GRIK1: variants seen among roughly 807,000 people sequenced by gnomAD.
GRIK1 encodes glutamate ionotropic receptor kainate type subunit 1.
Under a neutral mutation model 105.7 loss-of-function variants are expected in GRIK1, and 69 were observed. The ratio of observed to expected loss-of-function variants is 0.65; its 90% CI spans 0.54 to 0.80. The LOEUF (loss-of-function observed/expected upper bound fraction) is 0.80. Among genes scored for constraint, GRIK1 ranks in the 30% least tolerant of loss-of-function variants. The pLI, the probability that GRIK1 is intolerant of heterozygous loss-of-function variation, is 0.00. For missense variants in GRIK1, 1,109 were observed against 1,167.3 expected (o/e 0.95, Z 0.73); for synonymous variants, 438 against 431.3 (o/e 1.02, Z -0.19).
At chr21:29,778,377 G>A (rs1399862803) in intron 1 of GRIK1, among the ~76,000 whole-genome samples, 1 of 152,140 alleles carries the variant, frequency 6.6e-6, no homozygotes, top group Non-Finnish European at 1.5e-5. Flanking sequence ...AATATAAGTG[G>A]TTTCTGGGAA....
intron 1 of GRIK1, among the ~76,000 whole-genome samples, chr21:29,796,588 G>A (rs540647626): frequency 1.8e-4 from 28 of 152,140 alleles, no homozygotes; most frequent in African/African-American, 2.6e-4. Flanking sequence ...GAAGTGCAGC[G>A]TATCTGTTTT....
chr21:29,603,869 C>T (rs2061565011), intron 7 of GRIK1, among the ~76,000 whole-genome samples: 2 of 152,154 alleles, frequency 1.3e-5, no homozygotes, highest in African/African-American at 4.8e-5. Flanking sequence ...TCCAACTGTC[C>T]TCCTGACCTG....
chr21:29,656,806 T>C (rs2062863173), intron 4 of GRIK1, among the ~76,000 whole-genome samples: 1 of 152,008 alleles, frequency 6.6e-6, no homozygotes, highest in Admixed American at 6.5e-5. Context: ...TGAACACCAG[T>C]CCTACACTTC....
At chr21:29,744,198 C>T (rs796427147) in intron 1 of GRIK1, among the ~76,000 whole-genome samples, 5 of 152,304 alleles carry the variant, frequency 3.3e-5, no homozygotes, top group African/African-American at 1.2e-4. Flanking sequence ...GGTCCAGGGA[C>T]CTACTGGTTG....
chr21:29,869,802 C>T (rs1002162392), intron 1 of GRIK1, among the ~76,000 whole-genome samples: 1 of 152,166 alleles, frequency 6.6e-6, no homozygotes, highest in African/African-American at 2.4e-5. Context: ...AATCTATATT[C>T]AAACCCTCCA....
chr21:29,539,149 A>G (rs981414027), intron 16 of GRIK1, among the ~76,000 whole-genome samples: 1 of 152,216 alleles, frequency 6.6e-6, no homozygotes, highest in Non-Finnish European at 1.5e-5. Context: ...CATGCCACAC[A>G]AAGAAAAACG....
intron 7 of GRIK1, among the ~76,000 whole-genome samples, chr21:29,620,131 A>G (rs1281827757): frequency 2.0e-5 from 3 of 152,240 alleles, no homozygotes; most frequent in African/African-American, 7.2e-5. Context: ...TATGATGTTA[A>G]GAAGTTATTC....
At chr21:29,793,797 C>A (rs2066487471) in intron 1 of GRIK1, among the ~76,000 whole-genome samples, 1 of 152,154 alleles carries the variant, frequency 6.6e-6, no homozygotes, top group African/African-American at 2.4e-5. Context: ...TATAGCGGTG[C>A]TCCACAGATT....
chr21:29,730,983 A>G (rs2064609518), intron 1 of GRIK1, among the ~76,000 whole-genome samples: 1 of 152,216 alleles, frequency 6.6e-6, no homozygotes, highest in South Asian at 2.1e-4. Flanking sequence ...CTGGGAATTT[A>G]ACCATGTCAA....
chr21:29,908,761 C>G (rs749283277), intron 1 of GRIK1, among the ~76,000 whole-genome samples: 8 of 152,154 alleles, frequency 5.3e-5, no homozygotes, highest in Non-Finnish European at 1.0e-4. Flanking sequence ...ACAATTACAA[C>G]TCGATTTTTC....
chr21:29,871,766 T>TAA (rs981189715), intron 1 of GRIK1, among the ~76,000 whole-genome samples: 15 of 146,454 alleles, frequency 1.0e-4, no homozygotes, highest in Admixed American at 6.8e-5. Flanking sequence ...TTTAATTTTT[T>TAA]TTTTTTTTTT....
chr21:29,588,554 A>G (rs1415677740), intron 11 of GRIK1, among the ~76,000 whole-genome samples: 1 of 152,206 alleles, frequency 6.6e-6, no homozygotes, highest in Non-Finnish European at 1.5e-5. Flanking sequence ...CTCTCCAGCC[A>G]TGAGGAACTG....
chr21:29,889,438 G>A lies in GRIK1; in HGVS notation c.118+49945C>T, dbSNP rs373510379. Among the ~76,000 whole-genome samples the A allele has an allele frequency of 9.2e-5, 14 of 151,940 alleles. No individual in the cohort carries two copies. In the East Asian group the frequency reaches 1.9e-3, roughly 21 times the overall value. The stretch of plus-strand genomic sequence containing the variant: ...TCCAGGATAAATCCAGAATCACAAG[G>A]AAAATCTATAATTGTACTGATCCCT... On this transcript the variant is annotated intron_variant, in intron 1 of 17. Coordinates refer to ENST00000327783, the MANE Select transcript of GRIK1 (RefSeq NM_001330994.2).
intron 1 of GRIK1, among the ~76,000 whole-genome samples, chr21:29,745,103 A>G (rs931319440): frequency 7.9e-5 from 12 of 152,208 alleles, no homozygotes; most frequent in Admixed American, 1.3e-4. Flanking sequence ...TGTGACATGT[A>G]TCTTGGTGGC....
intron 1 of GRIK1, among the ~76,000 whole-genome samples, chr21:29,737,804 G>C (rs1031076517): frequency 6.6e-6 from 1 of 152,214 alleles, no homozygotes; most frequent in Admixed American, 6.5e-5. Context: ...TAGCATTGAT[G>C]CAATGAACAA....
chr21:29,603,371 C>T lies in GRIK1; in HGVS notation c.1099-4434G>A, dbSNP rs886208210. 5.9e-4 allele frequency among the ~76,000 whole-genome samples: 89 copies of T among 151,954 alleles called. 1 individual carries two copies. Among genetic ancestry groups the T allele is most frequent in the Admixed American group, 1.6e-3 (24 of 15,234 alleles). On this transcript the variant is annotated intron_variant, in intron 7 of 17. Transcript: ENST00000327783. ...AGAAATACTTCTTCAGATCCTAGTA[C>T]CTAGTCTCTAGAGTTTATTGCCAAG...
chr21:29,723,291 A>G (rs1450177590), intron 1 of GRIK1, among the ~76,000 whole-genome samples: 1 of 152,244 alleles, frequency 6.6e-6, no homozygotes, highest in African/African-American at 2.4e-5. Context: ...AGTATTAGCT[A>G]TTGGAATTTA....
chr21:29,755,294 C>G (rs1486119681), intron 1 of GRIK1, among the ~76,000 whole-genome samples: 1 of 152,156 alleles, frequency 6.6e-6, no homozygotes, highest in East Asian at 1.9e-4. Flanking sequence ...TTGAGGAAAT[C>G]AGGCATAAGG....
At chr21:29,767,257 G>C (rs2065690282) in intron 1 of GRIK1, among the ~76,000 whole-genome samples, 1 of 152,164 alleles carries the variant, frequency 6.6e-6, no homozygotes, top group Admixed American at 6.5e-5. Flanking sequence ...AAAATATCCT[G>C]TATGTCTTTT....
Sources: allele counts gnomAD v4.1 joint callset (sites outside exome capture counted in the v4.1 genomes callset), GRCh38; gene constraint gnomAD v4.1.1; transcripts MANE v1.5; gene names NCBI Gene and HGNC (gene_info 2026-07-23, HGNC 2026-07-21).